The following MVD variants were observed in gnomAD, a reference collection of about 807,000 sequenced individuals.
The protein encoded by MVD is diphosphomevalonate decarboxylase.
A neutral mutation model predicts 42.4 loss-of-function variants in MVD; 52 were observed. The observed-to-expected ratio is 1.23, with a 90% CI of 0.98 to 1.55. The LOEUF (loss-of-function observed/expected upper bound fraction) is 1.55, where lower values mean the gene tolerates loss of function less well. Ranked by LOEUF, MVD falls within the 40% of genes most tolerant of loss-of-function variation. The pLI, the probability that MVD is intolerant of heterozygous loss-of-function variation, is 0.00. For missense variants in MVD, 663 were observed against 572.1 expected, an observed-to-expected ratio of 1.16 and a Z score of -1.62; for synonymous variants, 287 against 243.2, an observed-to-expected ratio of 1.18 and a Z score of -1.68.
chr16:88,653,355 G>A lies in MVD; in HGVS notation c.1067C>T (p.Ala356Val), dbSNP rs1465904249. Residue 356 changes from alanine (A) to valine (V), a missense_variant, in exon 9 of 10, where the codon GCT (alanine) becomes GTT (valine). Physicochemically the swap from Ala to Val is moderately conservative, Grantham distance 64. Transcript: ENST00000301012. Reference protein sequence around the residue: ...RPAPLSAELQAALAMEPTPGG... With the variant: ...RPAPLSAELQVALAMEPTPGG... The stretch of plus-strand genomic sequence containing the variant: ...GGGGGTCGGCTCCATGGCCAGCGCA[G>A]CCTGAAGCTCAGCTGAGAGAGGGGC... 1.3e-6 allele frequency: 2 copies of A among 1,599,734 alleles called. No homozygotes were observed. Among genetic ancestry groups the A allele is most frequent in the East Asian group, 2.2e-5 (1 of 44,690 alleles).
At chr16:88,661,640 C>G (rs1318541775) in intron 1 of MVD, among the ~76,000 whole-genome samples, 1 of 151,910 alleles carries the variant, frequency 6.6e-6, no homozygotes, top group Non-Finnish European at 1.5e-5. Flanking sequence ...GGCAAATAAG[C>G]ACAAAGAAAG....
rs146037010 is a variant in MVD, at chr16:88,656,039, C to T, written c.603+66G>A. The T allele has an allele frequency of 1.5e-4, 233 of 1,523,768 alleles. 1 individual carries two copies. The East Asian group carries it at 4.3e-3, about 28-fold the overall frequency. 94.4% of individuals were successfully genotyped at this position (1,523,768 alleles called of 1,614,324 possible). A position where few individuals can be genotyped will look rare whatever the true frequency, so the allele number is the denominator to read the frequency against. ...GGATGGACGCCTTCGCTCCTGCTCC[C>T]GGCAGCAGCCCTGACTAGGGACAGA... On this transcript the variant is annotated intron_variant, in intron 5 of 9. Coordinates refer to ENST00000301012, the MANE Select transcript of MVD (RefSeq NM_002461.3).
At position 88,655,317 on chromosome 16, in the gene MVD, C is replaced by A; in HGVS notation, c.779G>T (p.Ser260Ile). The A allele has an allele frequency of 6.3e-7, 1 of 1,599,622 alleles. No homozygotes were observed. The highest frequency in any genetic ancestry group is 8.5e-7 in the Non-Finnish European group (1 of 1,173,444). ...GAGGCAGGTGGCGTGGAACTGGTTGCTGTCCTTCATGGTCAGCTGGGCGAA... is the reference window on the plus strand; with the variant it reads ...GAGGCAGGTGGCGTGGAACTGGTTGATGTCCTTCATGGTCAGCTGGGCGAA... The part of the protein sequence containing the change: ...PSFAQLTMKD[S>I]NQFHATCLDT... The change falls in exon 7 of 10, where the codon AGC (serine) becomes ATC (isoleucine). Residue 260 changes from serine to isoleucine, a missense_variant. Physicochemically the swap from Ser to Ile is moderately radical, Grantham distance 142. Transcript: ENST00000301012.
At chr16:88,653,672 G>A in intron 8 of MVD, 1 of 421,118 alleles carries the variant, frequency 2.4e-6, no homozygotes, top group Non-Finnish European at 4.2e-6. Flanking sequence ...GCTGAGACAG[G>A]AAATTTTAGG....
intron 2 of MVD, 98 bp downstream of exon 2, chr16:88,658,552 G>A (rs902310034): frequency 8.4e-7 from 1 of 1,197,200 alleles, no homozygotes; most frequent in African/African-American, 1.5e-5. Flanking sequence ...CCAAGTGCTG[G>A]GATTGCAGAT....
chr16:88,659,646 C>T (rs543744101), intron 1 of MVD, among the ~76,000 whole-genome samples: 3 of 152,212 alleles, frequency 2.0e-5, no homozygotes, highest in Admixed American at 2.0e-4. Context: ...CCTAGCAGGA[C>T]CAGGAAGGGC....
At position 88,653,325 on chromosome 16, in the gene MVD, C is replaced by A; in HGVS notation, c.1097G>T (p.Gly366Val). 6.2e-7 allele frequency: 1 copy of A among 1,600,434 alleles called. No individual in the cohort carries two copies. Among genetic ancestry groups the A allele is most frequent in the South Asian group, 1.1e-5 (1 of 89,334 alleles). Reference protein sequence around the residue: ...AALAMEPTPGGVKYIIVTQVG... With the variant: ...AALAMEPTPGVVKYIIVTQVG... The stretch of plus-strand genomic sequence containing the variant: ...CTGAGTGACAATGATGTATTTGACC[C>A]CACCGGGGGTCGGCTCCATGGCCAG... The change falls in exon 9 of 10, where the codon GGG becomes GTG. Residue 366 changes from glycine (G) to valine (V), a missense_variant. Physicochemically the swap from Gly to Val is moderately radical, Grantham distance 109. Transcript: ENST00000301012.
intron 9 of MVD, 34 bp from the exon 10 acceptor site, chr16:88,652,639 A>G (rs1287125333): frequency 2.0e-6 from 3 of 1,531,696 alleles, no homozygotes; most frequent in African/African-American, 2.7e-5. Context: ...GTCACCAGGA[A>G]TGGCAGCGCC....
At chr16:88,662,699 G>T in intron 1 of MVD, 6 of 1,377,532 alleles carry the variant, frequency 4.4e-6, no homozygotes, top group South Asian at 1.3e-5. Context: ...GCACCACCAC[G>T]GCGGATTCTT....
intron 4 of MVD, 60 bp from the exon 5 acceptor site, chr16:88,656,364 G>C (rs747457645): frequency 1.6e-5 from 25 of 1,559,864 alleles, no homozygotes; most frequent in East Asian, 2.3e-5. Context: ...CTCCCTGACA[G>C]CTCACCGCCC....
chr16:88,653,281 G>T lies in MVD; in HGVS notation c.1122+19C>A. 2 of 1,586,880 alleles carry T rather than the reference G, an allele frequency of 1.3e-6. No homozygotes were observed. The highest frequency in any genetic ancestry group is 1.7e-4 in the Middle Eastern group (1 of 5,836). ...CAGGAAAGGAAACCCCGGGGTACTG[G>T]GTGAGCCCCAGGCCTCACCTGAGTG... On this transcript the variant is annotated intron_variant, in intron 9 of 9. Coordinates refer to ENST00000301012, the MANE Select transcript of MVD (RefSeq NM_002461.3).
intron 1 of MVD, chr16:88,662,673 C>G: frequency 7.6e-7 from 1 of 1,315,008 alleles, no homozygotes; most frequent in African/African-American, 1.6e-5. Context: ...TCCCGAGTAG[C>G]TGGAGCCACA....
Position 88,652,219 on chromosome 16 carries a change from G to C in MVD, c.*306C>G, listed in dbSNP as rs1033389577. The C allele has an allele frequency of 8.2e-5, 43 of 522,188 alleles. No individual in the cohort carries two copies. The highest frequency in any genetic ancestry group is 3.1e-5 in the Non-Finnish European group (9 of 287,098). The allele number at this position is 522,188 out of a possible 1,614,324, so 32.3% of individuals were successfully genotyped here. A position where few individuals can be genotyped will look rare whatever the true frequency, so the allele number is the denominator to read the frequency against. ...TTTCTCAGAGAACTGGGCATAGCCA[G>C]AGCTGGGGTGAGAAAGCCCTTCAGC... On this transcript the variant is annotated 3_prime_UTR_variant, in exon 10 of 10. Transcript: ENST00000301012.
intron 1 of MVD, 38 bp from the exon 2 acceptor site, chr16:88,658,758 C>T (rs200707007): frequency 1.7e-5 from 25 of 1,498,946 alleles, no homozygotes; most frequent in East Asian, 7.7e-5. Flanking sequence ...GTGGGCTTCC[C>T]GGCCCACCCT....
rs9302778 is a variant in MVD at position 88,657,130 on chromosome 16, TG to T, written c.403+305del. The T allele has an allele frequency of 2.4e-3, 1,084 of 460,634 alleles. 2 individuals are homozygous for T. Among genetic ancestry groups the T allele is most frequent in the Non-Finnish European group, 3.4e-3 (838 of 243,706 alleles). The allele number at this position is 460,634 out of a possible 1,614,324, so 28.5% of individuals were successfully genotyped here. A position where few individuals can be genotyped will look rare whatever the true frequency, so the allele number is the denominator to read the frequency against. ...AAGATTTTTTTATTTTTTGTAGAGA[TG>T]GGGGGGGGTCTCACTATGTTGCCCA... is the stretch of plus-strand genomic sequence containing the variant. On this transcript the variant is annotated intron_variant, in intron 4 of 9. Transcript: ENST00000301012.
intron 2 of MVD, 140 bp downstream of exon 2, chr16:88,658,510 G>A: frequency 2.6e-6 from 2 of 773,286 alleles, no homozygotes; most frequent in Non-Finnish European, 4.4e-6. Context: ...GGTTCACTGT[G>A]GTCTCCAATG....
At chr16:88,662,028 T>A (rs1055485631) in intron 1 of MVD, 10 of 151,914 alleles carry the variant, frequency 6.6e-5, no homozygotes, top group Non-Finnish European at 8.8e-5. Context: ...ATCTACCATC[T>A]GACCCAGCAA....
At chr16:88,658,777 G>A (rs1908107713) in intron 1 of MVD, 57 bp from the exon 2 acceptor site, 1 of 1,204,322 alleles carries the variant, frequency 8.3e-7, no homozygotes, top group Non-Finnish European at 1.1e-6. Flanking sequence ...CTCCCCCAGT[G>A]TTCCCCACAG....
chr16:88,657,408 A>G, intron 4 of MVD, 28 bp downstream of exon 4: 3 of 1,570,396 alleles, frequency 1.9e-6, no homozygotes, highest in Non-Finnish European at 8.6e-7. Flanking sequence ...ACAGCCCAGA[A>G]CCCCTGCGGG....
Sources: allele counts gnomAD v4.1 joint callset (sites outside exome capture counted in the v4.1 genomes callset), GRCh38; gene constraint gnomAD v4.1.1; transcripts MANE v1.5; gene names NCBI Gene and HGNC (gene_info 2026-07-23, HGNC 2026-07-21).